Variants in PHIP observed in about 807,000 individuals in gnomAD.
PHIP encodes PHIP subunit of CUL4-Ring ligase complex, also known as PH-interacting protein.
PHIP carries 54 observed loss-of-function variants against 236.8 expected under a neutral mutation model. The ratio of observed to expected loss-of-function variants is 0.23; its 90% confidence interval spans 0.18 to 0.29. The LOEUF (loss-of-function observed/expected upper bound fraction) is 0.29, where lower values mean the gene tolerates loss of function less well. PHIP is among the 10% of genes least tolerant of loss of function. The probability of loss-of-function intolerance (pLI) is 1.00; values close to 1 mark genes in which losing one functional copy is unlikely to be tolerated. For synonymous variants in PHIP, 756 were observed against 718.9 expected (o/e 1.05, Z -0.83); for missense variants, 1,370 against 2,190.8 (o/e 0.63, Z 7.48).
rs773033278 is a variant in PHIP, at chr6:78,988,234, A to G, written c.2435T>C (p.Ile812Thr). Residue 812 changes from isoleucine to threonine, a missense_variant, in exon 21 of 40, where the codon ATA (isoleucine) becomes ACA (threonine). Around this residue, in one of 14 missense-constraint regions of PHIP, gnomAD observed 99 missense variants for 110.0 expected, o/e 0.90. Coordinates refer to ENST00000275034, the MANE Select transcript of PHIP (RefSeq NM_017934.7). Reference protein sequence around the residue: ...LEETPRPSEEIENGSSSSDEG... With the variant: ...LEETPRPSEETENGSSSSDEG... ...ATCTGAAGAACTACTGCCATTTTCT[A>G]TCTCTTCTGAGGGTCTAGGAGTCTC... The G allele has an allele frequency of 6.3e-7, 1 of 1,586,496 alleles. No homozygotes were observed. The highest frequency in any genetic ancestry group is 1.8e-5 in the Admixed American group (1 of 56,028).
Position 78,965,982 on chromosome 6 carries a change from C to G in PHIP, c.3280G>C (p.Glu1094Gln). ...CATTGAAACAGACTATCAGGGTACT[C>G]AAGTTGAAGAGGTTCCTGGCTTTCG... is the stretch of plus-strand genomic sequence containing the variant. ...TIESQEPLQLEYPDSLFQCYN... is the reference protein window; with the variant it reads ...TIESQEPLQLQYPDSLFQCYN... The change falls in exon 28 of 40, where the codon GAG (glutamate) becomes CAG (glutamine). Residue 1094 changes from glutamate (E) to glutamine (Q), a missense_variant. By Grantham distance (29) the Glu-to-Gln change is conservative. This residue lies in a region of PHIP where 238 missense variants were observed against 398.5 expected (regional missense o/e 0.60). Transcript: ENST00000275034. 6.2e-7 allele frequency: 1 copy of G among 1,612,848 alleles called. No individual in the cohort carries two copies. The highest frequency in any genetic ancestry group is 8.5e-7 in the Non-Finnish European group (1 of 1,178,898).
Position 78,978,716 on chromosome 6 carries a change from C to G in PHIP, c.2770-5G>C. The G allele has an allele frequency of 1.3e-6, 2 of 1,588,028 alleles. No individual in the cohort carries two copies. The highest frequency in any genetic ancestry group is 1.7e-6 in the Non-Finnish European group (2 of 1,162,206). ...TAGTTCTCCCACAGCCAATCTCTGA[C>G]AAAATTTAAGTAATAATTGTTAAGT... On this transcript the variant is annotated splice_region_variant and splice_polypyrimidine_tract_variant and intron_variant, in intron 23 of 39. Coordinates refer to ENST00000275034, the MANE Select transcript of PHIP (RefSeq NM_017934.7).
intron 7 of PHIP, among the ~76,000 whole-genome samples, chr6:79,027,629 T>C (rs1332411306): frequency 2.0e-5 from 3 of 152,208 alleles, no homozygotes; most frequent in African/African-American, 7.2e-5. Flanking sequence ...GTAAATGTGA[T>C]AACGTCCTAT....
At chr6:78,962,167 C>T (rs1434898811) in intron 30 of PHIP, among the ~76,000 whole-genome samples, 1 of 152,144 alleles carries the variant, frequency 6.6e-6, no homozygotes, top group Non-Finnish European at 1.5e-5. Flanking sequence ...CTGTAACATA[C>T]TGCATTCAAA....
intron 12 of PHIP, among the ~76,000 whole-genome samples, chr6:79,017,115 G>A (rs1770868907): frequency 6.6e-6 from 1 of 151,754 alleles, no homozygotes; most frequent in African/African-American, 2.4e-5. Flanking sequence ...GAATATATAG[G>A]GTGATTTAAA....
chr6:78,985,237 C>A, intron 22 of PHIP, 115 bp downstream of exon 22: 1 of 671,208 alleles, frequency 1.5e-6, no homozygotes, highest in Non-Finnish European at 2.7e-6. Flanking sequence ...ACTTCAAAAA[C>A]TCTCTGAAGA....
rs538033964 is a variant in PHIP at position 78,972,649 on chromosome 6, G to T, written c.2890-1761C>A. Among the ~76,000 whole-genome samples, 91 of 152,230 alleles carry T rather than the reference G, an allele frequency of 6.0e-4. 1 individual carries two copies. In the South Asian group the frequency reaches 7.3e-3, roughly 12 times the overall value. ...CTTTGAAAAAAATTTAGAAGAATGT[G>T]TAACTAGAATAATCAATACAGAGAA... On this transcript the variant is annotated intron_variant, in intron 24 of 39. Transcript: ENST00000275034.
At chr6:78,964,641 C>G (rs1367673632) in intron 29 of PHIP, among the ~76,000 whole-genome samples, 1 of 152,026 alleles carries the variant, frequency 6.6e-6, no homozygotes, top group Non-Finnish European at 1.5e-5. Context: ...TACAGGCACA[C>G]GCCACCACGC....
chr6:79,012,213 CA>C (rs1464115941), intron 15 of PHIP, among the ~76,000 whole-genome samples: 1 of 151,366 alleles, frequency 6.6e-6, no homozygotes, highest in Non-Finnish European at 1.5e-5. Flanking sequence ...ATGGAAAATT[CA>C]ATTATTATTC....
Position 78,961,790 on chromosome 6 carries a change from C to A in PHIP, c.3556G>T (p.Ala1186Ser), listed in dbSNP as rs765105770. ...MTLDIASAFV[A>S]PVDLQAYPMY... ...GGATAGGCTTGCAGATCCACGGGGG[C>A]CACAAATGCTGAGGCAATATCTAAA... is the stretch of plus-strand genomic sequence containing the variant. Residue 1186 changes from alanine (A) to serine (S), a missense_variant, in exon 31 of 40, where the codon GCC (alanine) becomes TCC (serine). Coordinates refer to ENST00000275034, the MANE Select transcript of PHIP (RefSeq NM_017934.7). 9.9e-6 allele frequency: 16 copies of A among 1,610,078 alleles called. No homozygotes were observed. Among genetic ancestry groups the A allele is most frequent in the Non-Finnish European group, 1.4e-5 (16 of 1,177,430 alleles).
At chr6:79,063,705 G>A (rs986830081) in intron 4 of PHIP, among the ~76,000 whole-genome samples, 4 of 152,148 alleles carry the variant, frequency 2.6e-5, no homozygotes, top group African/African-American at 9.7e-5. Flanking sequence ...ATGAGCCACA[G>A]CGTCCGGCCA....
Position 78,955,943 on chromosome 6 carries a change from T to G in PHIP, c.3783-261A>C, listed in dbSNP as rs750989671. On this transcript the variant is annotated intron_variant, in intron 32 of 39. Transcript: ENST00000275034. ...CCAGTCTTTGCTTAGGTATCTGCTG[T>G]GCTTCTTCCATTCCTCAGTCTTCAA... 7.6e-4 allele frequency: 184 copies of G among 242,586 alleles called. 1 individual carries two copies. Among genetic ancestry groups the G allele is most frequent in the Middle Eastern group, 1.2e-3 (1 of 850 alleles). 15.0% of individuals were successfully genotyped at this position (242,586 alleles called of 1,614,324 possible). A position where few individuals can be genotyped will look rare whatever the true frequency, so the allele number is the denominator to read the frequency against.
chr6:78,941,292 G>C lies in PHIP; in HGVS notation c.4867C>G (p.Gln1623Glu). The change falls in exon 40 of 40, where the codon CAA becomes GAA. Residue 1623 changes from glutamine to glutamate, a missense_variant. By Grantham distance (29) the Gln-to-Glu change is conservative (BLOSUM62 2). Around this residue, in one of 14 missense-constraint regions of PHIP, gnomAD observed 309 missense variants for 328.3 expected, o/e 0.94. Coordinates refer to ENST00000275034, the MANE Select transcript of PHIP (RefSeq NM_017934.7). ...KNNALVPGTI[Q>E]VNGHGGQPSK... ...GGCTGTCCTCCATGGCCATTTACTT[G>C]AATGGTTCCTGGTACAAGAGCGTTG... The C allele has an allele frequency of 6.2e-7, 1 of 1,613,260 alleles. No individual in the cohort carries two copies. The highest frequency in any genetic ancestry group is 8.5e-7 in the Non-Finnish European group (1 of 1,179,306).
Position 78,988,203 on chromosome 6 carries a change from T to C in PHIP, c.2460+6A>G. 6.4e-7 allele frequency: 1 copy of C among 1,559,610 alleles called. No individual in the cohort carries two copies. Among genetic ancestry groups the C allele is most frequent in the Non-Finnish European group, 8.7e-7 (1 of 1,154,248 alleles). On this transcript the variant is annotated splice_donor_region_variant and intron_variant, in intron 21 of 39. Coordinates refer to ENST00000275034, the MANE Select transcript of PHIP (RefSeq NM_017934.7). The stretch of plus-strand genomic sequence containing the variant: ...CATCTAATTTATGAATGTGCTGATA[T>C]CTTACATCTGAAGAACTACTGCCAT...
At chr6:79,027,377 T>C (rs1771459398) in intron 7 of PHIP, among the ~76,000 whole-genome samples, 1 of 152,170 alleles carries the variant, frequency 6.6e-6, no homozygotes. Flanking sequence ...TTAACTTTGG[T>C]CAACTATCCA....
chr6:78,990,692 T>C (rs1444412091), intron 20 of PHIP, among the ~76,000 whole-genome samples, 176 bp downstream of exon 20: 1 of 152,076 alleles, frequency 6.6e-6, no homozygotes, highest in Non-Finnish European at 1.5e-5. Flanking sequence ...AAAGCAGAAA[T>C]GGAATTAAAA....
Position 79,077,850 on chromosome 6 carries a change from C to T in PHIP, c.99+5G>A, listed in dbSNP as rs751032980. ...CGGCCCGGCCCGCGCCGCGCGCCGC[C>T]GTACCTGAGCCGCCTGCTGACAGGG... On this transcript the variant is annotated splice_donor_5th_base_variant and intron_variant, in intron 2 of 39. Coordinates refer to ENST00000275034, the MANE Select transcript of PHIP (RefSeq NM_017934.7). The T allele has an allele frequency of 8.7e-6, 13 of 1,499,108 alleles. No individual in the cohort carries two copies. Among genetic ancestry groups the T allele is most frequent in the African/African-American group, 1.5e-5 (1 of 68,570 alleles). 92.9% of individuals were successfully genotyped at this position (1,499,108 alleles called of 1,614,324 possible).
Position 79,025,978 on chromosome 6 carries a change from G to T in PHIP, c.787C>A (p.Leu263Ile). The change falls in exon 8 of 40, where the codon CTT (leucine) becomes ATT (isoleucine). Residue 263 changes from leucine (L) to isoleucine (I), a missense_variant. This residue lies in a region of PHIP where 188 missense variants were observed against 354.3 expected (regional missense o/e 0.53). Transcript: ENST00000275034. Reference sequence around the variant, plus strand: ...GTAATAGATGCACTATGGCCCTGAAGAACAGCCAAAGGTGCACAGGTTCGA... The same window carrying T: ...GTAATAGATGCACTATGGCCCTGAATAACAGCCAAAGGTGCACAGGTTCGA... Reference protein sequence around the residue: ...CLRTCAPLAVLQGHSASITSL... With the variant: ...CLRTCAPLAVIQGHSASITSL... The T allele has an allele frequency of 6.2e-7, 1 of 1,613,536 alleles. No homozygotes were observed. Among genetic ancestry groups the T allele is most frequent in the Non-Finnish European group, 8.5e-7 (1 of 1,179,562 alleles).
At chr6:79,013,767 A>G (rs528082324) in intron 15 of PHIP, among the ~76,000 whole-genome samples, 1 of 151,846 alleles carries the variant, frequency 6.6e-6, no homozygotes, top group African/African-American at 2.4e-5. Context: ...CTCTACCAAT[A>G]TAATAATGTC....
Sources: gnomAD v4.1 joint callset for allele counts (sites outside exome capture counted in the v4.1 genomes callset) on GRCh38, gnomAD v4.1.1 for gene constraint, gnomAD v4.1.1 regional missense constraint, MANE v1.5 for transcripts, NCBI Gene and HGNC (gene_info 2026-07-23, HGNC 2026-07-21) for gene names.